ARHGAP6: variants seen among roughly 807,000 people sequenced by gnomAD.
ARHGAP6 encodes the protein rho GTPase-activating protein 6.
A neutral mutation model predicts 55.7 loss-of-function variants in ARHGAP6; 16 were observed. That is an observed-to-expected ratio of 0.29 (90% CI 0.19 to 0.44). ARHGAP6 has a LOEUF of 0.44. ARHGAP6 is among the 20% of genes least tolerant of loss of function. ARHGAP6 has a pLI of 1.00. For synonymous variants in ARHGAP6, 382 were observed against 360.9 expected (o/e 1.06, Z -0.66); for missense variants, 698 against 808.9 (o/e 0.86, Z 1.66).
At chrX:11,558,604 G>A (rs911104031) in intron 1 of ARHGAP6, among the ~76,000 whole-genome samples, 14 of 109,188 alleles carry the variant, frequency 1.3e-4, no homozygotes, top group African/African-American at 3.0e-4. Flanking sequence ...TTGGGAGGCC[G>A]AGGTGGGCGG....
At chrX:11,166,058 C>G (rs1201902571) in intron 9 of ARHGAP6, among the ~76,000 whole-genome samples, 1 of 112,068 alleles carries the variant, frequency 8.9e-6, no homozygotes. Flanking sequence ...AAAAGACTGT[C>G]CTAGCCAGAC....
At chrX:11,277,361 C>T (rs767736753) in intron 1 of ARHGAP6, among the ~76,000 whole-genome samples, 59 of 108,503 alleles carry the variant, frequency 5.4e-4, no homozygotes, top group African/African-American at 1.9e-3. Context: ...TTTGTGTGAA[C>T]GTAGGTTTTC....
At chrX:11,452,663 C>T (rs1291356956) in intron 1 of ARHGAP6, among the ~76,000 whole-genome samples, 1 of 111,804 alleles carries the variant, frequency 8.9e-6, no homozygotes, top group Non-Finnish European at 1.9e-5. Context: ...TGCTTCTCAA[C>T]AAGCAAATAA....
At chrX:11,613,633 G>A (rs764972652) in intron 1 of ARHGAP6, among the ~76,000 whole-genome samples, 273 of 112,217 alleles carry the variant, frequency 2.4e-3, no homozygotes, top group Non-Finnish European at 4.2e-3. Flanking sequence ...TTCTCACAGC[G>A]TTTCTTCCTT....
intron 1 of ARHGAP6, among the ~76,000 whole-genome samples, chrX:11,267,719 T>C (rs1392075931): frequency 8.9e-6 from 1 of 112,311 alleles, no homozygotes; most frequent in Non-Finnish European, 1.9e-5. Flanking sequence ...AGAGACAACA[T>C]CTTGTGAAAT....
At chrX:11,641,774 C>T (rs145623733) in intron 1 of ARHGAP6, among the ~76,000 whole-genome samples, 1,815 of 111,487 alleles carry the variant, frequency 0.016, 32 homozygotes, top group African/African-American at 0.056. Flanking sequence ...TGTTTAAATG[C>T]TCTTATGCTG....
intron 1 of ARHGAP6, among the ~76,000 whole-genome samples, chrX:11,591,277 G>C (rs1281935902): frequency 2.7e-5 from 3 of 109,812 alleles, no homozygotes; most frequent in Non-Finnish European, 5.7e-5. Flanking sequence ...CCCACATACA[G>C]ATACTGACAA....
Position 11,664,900 on chromosome X carries a change from G to C in ARHGAP6, c.-72C>G. The C allele has an allele frequency of 9.8e-7, 1 of 1,018,120 alleles. No individual in the cohort carries two copies. Among genetic ancestry groups the C allele is most frequent in the Non-Finnish European group, 1.3e-6 (1 of 760,659 alleles). 83.9% of individuals were successfully genotyped at this position (1,018,120 alleles called of 1,213,427 possible). On this transcript the variant is annotated 5_prime_UTR_variant, in exon 1 of 13. Transcript: ENST00000337414. The stretch of plus-strand genomic sequence containing the variant: ...CGCTGGTGGCTTTGGGTCGGGAACC[G>C]AAAGGGACTCAGGCAAAGGTGCCAG...
intron 1 of ARHGAP6, among the ~76,000 whole-genome samples, chrX:11,362,597 T>C (rs1426573383): frequency 2.7e-5 from 3 of 109,747 alleles, no homozygotes; most frequent in African/African-American, 1.0e-4. Flanking sequence ...ATGGCACATG[T>C]ATACATATGT....
chrX:11,584,762 C>A (rs979325174), intron 1 of ARHGAP6, among the ~76,000 whole-genome samples: 1 of 112,090 alleles, frequency 8.9e-6, no homozygotes, highest in Non-Finnish European at 1.9e-5. Flanking sequence ...CAGTGCTGAT[C>A]ATTTGAGTCT....
chrX:11,489,484 A>C (rs1342124944), intron 1 of ARHGAP6, among the ~76,000 whole-genome samples: 1 of 112,905 alleles, frequency 8.9e-6, no homozygotes. Context: ...CTTTTAGGCC[A>C]GTTTCTGTAG....
intron 1 of ARHGAP6, among the ~76,000 whole-genome samples, chrX:11,333,053 A>G (rs1462966125): frequency 8.9e-6 from 1 of 112,103 alleles, no homozygotes; most frequent in Non-Finnish European, 1.9e-5. Flanking sequence ...ACAATTACAC[A>G]ATCATCGAAG....
chrX:11,202,208 G>A (rs2046636954), intron 2 of ARHGAP6, among the ~76,000 whole-genome samples: 1 of 110,904 alleles, frequency 9.0e-6, no homozygotes, highest in Non-Finnish European at 1.9e-5. Flanking sequence ...TAACACCTGA[G>A]AATTTCTGTT....
At chrX:11,611,379 G>A (rs1385252369) in intron 1 of ARHGAP6, among the ~76,000 whole-genome samples, 1 of 112,052 alleles carries the variant, frequency 8.9e-6, no homozygotes, top group Non-Finnish European at 1.9e-5. Flanking sequence ...AGGGCATAAT[G>A]TGCTTGCTAA....
Position 11,341,109 on chromosome X carries a change from A to G in ARHGAP6, c.589-86402T>C, listed in dbSNP as rs141928150. Among the ~76,000 whole-genome samples, 544 of 110,909 alleles carry G rather than the reference A, an allele frequency of 4.9e-3. 2 individuals carry two copies. Among genetic ancestry groups the G allele is most frequent in the Non-Finnish European group, 8.6e-3 (453 of 52,940 alleles). On this transcript the variant is annotated intron_variant, in intron 1 of 12. Transcript: ENST00000337414. ...ATATATAGAATTCTTCTGTATCACA[A>G]TTGTGATGTTGGCTACACAACTTTA...
chrX:11,646,826 T>G (rs1328179721), intron 1 of ARHGAP6, among the ~76,000 whole-genome samples: 1 of 112,432 alleles, frequency 8.9e-6, no homozygotes, highest in Non-Finnish European at 1.9e-5. Flanking sequence ...TTGACAAACA[T>G]GAATATCTGA....
At chrX:11,526,881 A>G (rs2050994614) in intron 1 of ARHGAP6, among the ~76,000 whole-genome samples, 1 of 111,690 alleles carries the variant, frequency 9.0e-6, no homozygotes, top group Non-Finnish European at 1.9e-5. Context: ...TACCATGCTT[A>G]GTAATTCTAA....
At chrX:11,579,843 A>C (rs1009071739) in intron 1 of ARHGAP6, among the ~76,000 whole-genome samples, 21 of 112,182 alleles carry the variant, frequency 1.9e-4, no homozygotes, top group African/African-American at 6.8e-4. Context: ...GCACTTGTTA[A>C]ACTCTCATTC....
At chrX:11,274,654 T>C (rs1270883712) in intron 1 of ARHGAP6, among the ~76,000 whole-genome samples, 1 of 110,930 alleles carries the variant, frequency 9.0e-6, no homozygotes, top group Non-Finnish European at 1.9e-5. Flanking sequence ...CCAGGGTACA[T>C]GTGCAGGATG....
Sources: gnomAD v4.1 joint callset for allele counts (sites outside exome capture counted in the v4.1 genomes callset) on GRCh38, gnomAD v4.1.1 for gene constraint, MANE v1.5 for transcripts, NCBI Gene and HGNC (gene_info 2026-07-23, HGNC 2026-07-21) for gene names.